The following BLTP3B variants were observed in gnomAD, a reference collection of about 807,000 sequenced individuals.
The protein encoded by BLTP3B is UHRF1 (ICBP90) binding protein 1-like.
the BLTP3B span, among the ~76,000 whole-genome samples, chr12:100,078,222 T>C: frequency 2.6e-4 from 39 of 152,064 alleles, no homozygotes; most frequent in African/African-American, 9.2e-4. Flanking sequence ...TGATTAAAAG[T>C]ATGTGGCACC....
At chr12:100,062,693 G>C in the BLTP3B span, among the ~76,000 whole-genome samples, 1 of 152,188 alleles carries the variant, frequency 6.6e-6, no homozygotes, top group Non-Finnish European at 1.5e-5. Context: ...TGGGAGTGTT[G>C]TCTCATGTCT....
the BLTP3B span, among the ~76,000 whole-genome samples, chr12:100,092,486 C>A: frequency 6.6e-6 from 1 of 152,098 alleles, no homozygotes. Context: ...GGGGCAAAAA[C>A]CTGTAAGAAA....
the BLTP3B span, among the ~76,000 whole-genome samples, chr12:100,127,378 G>A: frequency 1.3e-5 from 2 of 152,180 alleles, no homozygotes; most frequent in Admixed American, 6.5e-5. Context: ...AGGCCACTAG[G>A]CCTATACAAT....
the BLTP3B span, among the ~76,000 whole-genome samples, chr12:100,077,983 G>A: frequency 1.3e-5 from 2 of 152,094 alleles, no homozygotes; most frequent in East Asian, 1.9e-4. Context: ...TGTGTAATAA[G>A]GAAATTGGTC....
chr12:100,142,129 C>T, the BLTP3B span, among the ~76,000 whole-genome samples: 3 of 152,218 alleles, frequency 2.0e-5, no homozygotes, highest in Non-Finnish European at 2.9e-5. Flanking sequence ...AGAACACAGC[C>T]TCCACTGAGC....
the BLTP3B span, chr12:100,082,889 T>G: frequency 1.5e-6 from 1 of 654,796 alleles, no homozygotes; most frequent in Non-Finnish European, 2.6e-6. Flanking sequence ...TTCTATGCCA[T>G]CTAATATGGC....
the BLTP3B span, among the ~76,000 whole-genome samples, chr12:100,083,606 C>T: frequency 1.6e-4 from 24 of 151,252 alleles, no homozygotes; most frequent in South Asian, 4.2e-3. Context: ...TCTGAGGTGA[C>T]GAATATGCTA....
chr12:100,048,318 T>C, the BLTP3B span: 1 of 1,057,492 alleles, frequency 9.5e-7, no homozygotes, highest in African/African-American at 1.6e-5. Context: ...AATGATACTC[T>C]ATAGTACATA....
At chr12:100,084,181 C>T in the BLTP3B span, among the ~76,000 whole-genome samples, 2 of 150,962 alleles carry the variant, frequency 1.3e-5, no homozygotes, top group African/African-American at 2.4e-5. Flanking sequence ...AGAGTGAGAC[C>T]CTGTCTCAAA....
At chr12:100,138,279 A>T in the BLTP3B span, among the ~76,000 whole-genome samples, 1 of 152,184 alleles carries the variant, frequency 6.6e-6, no homozygotes. Context: ...TTGTTCAGAT[A>T]TTCTTCTGCT....
the BLTP3B span, among the ~76,000 whole-genome samples, chr12:100,096,237 G>C: frequency 6.6e-6 from 1 of 151,234 alleles, no homozygotes; most frequent in African/African-American, 2.4e-5. Context: ...CTGGGTGACA[G>C]AGAGAAACTC....
the BLTP3B span, chr12:100,142,765 C>T: frequency 7.2e-7 from 1 of 1,384,998 alleles, no homozygotes; most frequent in Non-Finnish European, 9.6e-7. Context: ...CGGGAGAGAC[C>T]CAAGGCCCCG....
the BLTP3B span, among the ~76,000 whole-genome samples, chr12:100,102,338 C>G: frequency 3.9e-5 from 6 of 152,140 alleles, no homozygotes; most frequent in Non-Finnish European, 8.8e-5. Flanking sequence ...TCTCAAACAC[C>G]TGAGTCCAGG....
At chr12:100,088,141 T>C in the BLTP3B span, among the ~76,000 whole-genome samples, 1 of 152,134 alleles carries the variant, frequency 6.6e-6, no homozygotes, top group African/African-American at 2.4e-5. Context: ...GCAAAAATTT[T>C]TGTAGATATA....
chr12:100,120,989 T>C, the BLTP3B span, among the ~76,000 whole-genome samples: 1 of 152,216 alleles, frequency 6.6e-6, no homozygotes, highest in South Asian at 2.1e-4. Context: ...AATAGATTAA[T>C]TGCAAGATAA....
the BLTP3B span, chr12:100,098,300 CT>C: frequency 8.4e-5 from 127 of 1,514,084 alleles, no homozygotes; most frequent in East Asian, 2.9e-3. Flanking sequence ...TAATCGTCCT[CT>C]TTTACTTGTC....
the BLTP3B span, among the ~76,000 whole-genome samples, chr12:100,086,516 A>G: frequency 1.4e-4 from 21 of 152,214 alleles, no homozygotes; most frequent in African/African-American, 5.1e-4. Flanking sequence ...AATTCAATCC[A>G]ATGAGTATTT....
the BLTP3B span, among the ~76,000 whole-genome samples, chr12:100,083,728 TA>T: frequency 6.6e-6 from 1 of 151,576 alleles, no homozygotes; most frequent in African/African-American, 2.4e-5. Context: ...CTGTACCTCA[TA>T]AATACGTACA....
chr12:100,127,615 T>G, the BLTP3B span, among the ~76,000 whole-genome samples: 1 of 152,248 alleles, frequency 6.6e-6, no homozygotes, highest in Non-Finnish European at 1.5e-5. Context: ...CAGCACCATT[T>G]CCAATAACCT....
Sources: allele counts gnomAD v4.1 joint callset (sites outside exome capture counted in the v4.1 genomes callset), GRCh38; gene constraint gnomAD v4.1.1; transcripts MANE v1.5; gene names NCBI Gene and HGNC (gene_info 2026-07-23, HGNC 2026-07-21).